SCUBE1: variants seen among roughly 807,000 people sequenced by gnomAD.
SCUBE1 encodes signal peptide, CUB domain and EGF like domain containing 1, also known as signal peptide, CUB and EGF-like domain-containing protein 1.
SCUBE1 carries 59 observed loss-of-function variants against 124.4 expected under a neutral mutation model. The ratio of observed to expected loss-of-function variants is 0.47; its 90% CI spans 0.38 to 0.59. SCUBE1 has a LOEUF of 0.59. Among genes scored for constraint, SCUBE1 ranks in the 20% least tolerant of loss-of-function variants. The probability of loss-of-function intolerance (pLI) is 0.00; values close to 1 mark genes in which losing one functional copy is unlikely to be tolerated. For missense variants in SCUBE1, 1,150 were observed against 1,371.2 expected, an observed-to-expected ratio of 0.84 and a Z score of 2.55; for synonymous variants, 545 against 550.9, an observed-to-expected ratio of 0.99 and a Z score of 0.15.
intron 3 of SCUBE1, among the ~76,000 whole-genome samples, chr22:43,313,113 C>T (rs1368414603): frequency 6.6e-6 from 1 of 152,206 alleles, no homozygotes; most frequent in African/African-American, 2.4e-5. Context: ...CTGAGCACAG[C>T]ATCCCGGGCA....
In SCUBE1 at chr22:43,198,331, A is replaced by G; in HGVS notation, c.*5666T>C. 8.4e-6 allele frequency: 3 copies of G among 358,940 alleles called. No individual in the cohort carries two copies. The highest frequency in any genetic ancestry group is 1.7e-5 in the Non-Finnish European group (3 of 180,816). 22.2% of individuals were successfully genotyped at this position (358,940 alleles called of 1,614,324 possible). A position where few individuals can be genotyped will look rare whatever the true frequency, so the allele number is the denominator to read the frequency against. On this transcript the variant is annotated 3_prime_UTR_variant, in exon 22 of 22. Transcript: ENST00000360835. ...AGGGGACTGGAGAGGCCTTGAGGCC[A>G]TCGCAGCAGATGCTGGGAGGGCACG...
intron 4 of SCUBE1, among the ~76,000 whole-genome samples, chr22:43,269,228 T>C (rs5996302): frequency 0.058 from 8,898 of 152,194 alleles, 891 homozygotes; most frequent in African/African-American, 0.21. Flanking sequence ...CCATCTCCTC[T>C]GGACTCTGAC....
At chr22:43,293,964 A>G (rs909075345) in intron 3 of SCUBE1, among the ~76,000 whole-genome samples, 1 of 152,242 alleles carries the variant, frequency 6.6e-6, no homozygotes, top group Non-Finnish European at 1.5e-5. Flanking sequence ...CGGTTGACGT[A>G]AGGCATCTAC....
In SCUBE1 at chr22:43,198,644, A is replaced by T. The variant is rs1368985608; in HGVS notation, c.*5353T>A. ...GGACACCTTGTGCATCTTTGGTGAA[A>T]AGGGACCTCAATGTCAGGTGCAGTT... On this transcript the variant is annotated 3_prime_UTR_variant, in exon 22 of 22. Transcript: ENST00000360835. 4.4e-6 allele frequency: 2 copies of T among 456,706 alleles called. No homozygotes were observed. Among genetic ancestry groups the T allele is most frequent in the Admixed American group, 2.3e-5 (1 of 42,584 alleles). 28.3% of individuals were successfully genotyped at this position (456,706 alleles called of 1,614,324 possible).
intron 6 of SCUBE1, among the ~76,000 whole-genome samples, chr22:43,253,886 C>T (rs555936106): frequency 6.2e-4 from 91 of 146,794 alleles, no homozygotes; most frequent in South Asian, 8.3e-4. Context: ...TAAGTGAGAC[C>T]GAGGGCCCTG....
intron 2 of SCUBE1, among the ~76,000 whole-genome samples, chr22:43,325,604 G>A (rs1427642913): frequency 2.0e-5 from 3 of 152,180 alleles, no homozygotes; most frequent in Non-Finnish European, 4.4e-5. Context: ...TCACATGAAT[G>A]GAGAAAGTGG....
At chr22:43,225,434 G>C (rs1314805138) in intron 10 of SCUBE1, among the ~76,000 whole-genome samples, 1 of 151,814 alleles carries the variant, frequency 6.6e-6, no homozygotes, top group Non-Finnish European at 1.5e-5. Flanking sequence ...TCACCTAAGT[G>C]TTAGGATCTT....
intron 7 of SCUBE1, among the ~76,000 whole-genome samples, chr22:43,235,345 G>T (rs887283802): frequency 1.7e-4 from 26 of 152,182 alleles, no homozygotes; most frequent in African/African-American, 4.8e-4. Context: ...CCCATCTCAC[G>T]TGGGGGACCA....
chr22:43,228,966 C>T (rs904452029), intron 9 of SCUBE1, 106 bp downstream of exon 9: 3 of 799,984 alleles, frequency 3.8e-6, no homozygotes, highest in East Asian at 2.7e-5. Context: ...GGCCTCAGGC[C>T]CCCCAGGGTT....
chr22:43,285,885 A>G (rs1002450855), intron 4 of SCUBE1, among the ~76,000 whole-genome samples: 1 of 152,238 alleles, frequency 6.6e-6, no homozygotes, highest in African/African-American at 2.4e-5. Flanking sequence ...AGGTTTTGGC[A>G]TGTACTACCT....
chr22:43,269,977 C>T (rs1168167365), intron 4 of SCUBE1, among the ~76,000 whole-genome samples: 1 of 152,196 alleles, frequency 6.6e-6, no homozygotes, highest in Non-Finnish European at 1.5e-5. Flanking sequence ...CCAGAGACTC[C>T]TTACCTCACG....
chr22:43,268,432 C>T (rs1569003127), intron 4 of SCUBE1, among the ~76,000 whole-genome samples: 1 of 152,248 alleles, frequency 6.6e-6, no homozygotes, highest in Non-Finnish European at 1.5e-5. Context: ...AGGCCTGATG[C>T]CCGTCAGGCC....
At chr22:43,273,616 G>A (rs961741409) in intron 4 of SCUBE1, among the ~76,000 whole-genome samples, 9 of 121,256 alleles carry the variant, frequency 7.4e-5, no homozygotes, top group African/African-American at 2.5e-4. Flanking sequence ...CGCCCAGGCT[G>A]GAGTGCAGTG....
rs186870210 is a variant in SCUBE1, at chr22:43,261,878, C to T, written c.610+842G>A. ...GTATCCCTGGTGCCCTCATCTCCCACGAGGAGAGGCCCACCCCACCATCTC... is the reference window on the plus strand; with the variant it reads ...GTATCCCTGGTGCCCTCATCTCCCATGAGGAGAGGCCCACCCCACCATCTC... On this transcript the variant is annotated intron_variant, in intron 5 of 21. Transcript: ENST00000360835. Among the ~76,000 whole-genome samples the T allele has an allele frequency of 4.1e-3, 628 of 152,304 alleles. 2 individuals are homozygous for T. The highest frequency in any genetic ancestry group is 6.9e-3 in the Non-Finnish European group (467 of 68,030).
At chr22:43,212,276 C>T (rs914264011) in intron 17 of SCUBE1, 149 bp downstream of exon 17, 1 of 863,092 alleles carries the variant, frequency 1.2e-6, no homozygotes, top group African/African-American at 1.7e-5. Context: ...CAGTGGGTCA[C>T]CCACGCCCAC....
In SCUBE1 at chr22:43,215,148, G is replaced by T. The variant is rs1238740303; in HGVS notation, c.1892-897C>A. ...CTCAAAGGAACCAGGGGTCCTTGGGGATTTGGCTGATGCCAGGGGATGGAG... is the reference window on the plus strand; with the variant it reads ...CTCAAAGGAACCAGGGGTCCTTGGGTATTTGGCTGATGCCAGGGGATGGAG... On this transcript the variant is annotated intron_variant, in intron 15 of 21. Transcript: ENST00000360835. Among the ~76,000 whole-genome samples the T allele has an allele frequency of 3.3e-5, 5 of 152,346 alleles. No individual in the cohort carries two copies. In the East Asian group the frequency reaches 9.6e-4, roughly 29 times the overall value.
rs373409699 is a variant in SCUBE1, at chr22:43,229,056, C to T, written c.1084+16G>A. The T allele has an allele frequency of 5.1e-5, 81 of 1,579,974 alleles. No individual in the cohort carries two copies. The highest frequency in any genetic ancestry group is 1.8e-4 in the Middle Eastern group (1 of 5,586). On this transcript the variant is annotated intron_variant, in intron 9 of 21. Coordinates refer to ENST00000360835, the MANE Select transcript of SCUBE1 (RefSeq NM_173050.5). Reference sequence around the variant, plus strand: ...TGCCTCGGGGGGGAGGTGGCCCTGGCGGGCAGGCTGCAGACCTCCGCAGTG... The same window carrying T: ...TGCCTCGGGGGGGAGGTGGCCCTGGTGGGCAGGCTGCAGACCTCCGCAGTG...
chr22:43,251,215 G>A (rs999505332), intron 6 of SCUBE1, among the ~76,000 whole-genome samples: 2 of 152,204 alleles, frequency 1.3e-5, no homozygotes, highest in African/African-American at 2.4e-5. Context: ...GGCAGCCAGC[G>A]GAGGCTCCGT....
chr22:43,266,057 C>T (rs998160784), intron 4 of SCUBE1, among the ~76,000 whole-genome samples: 10 of 152,028 alleles, frequency 6.6e-5, no homozygotes, highest in South Asian at 4.1e-4. Flanking sequence ...GCTGAGATTG[C>T]GCCATTGCAC....
Sources: gnomAD v4.1 joint callset for allele counts (sites outside exome capture counted in the v4.1 genomes callset) on GRCh38, gnomAD v4.1.1 for gene constraint, MANE v1.5 for transcripts, NCBI Gene and HGNC (gene_info 2026-07-23, HGNC 2026-07-21) for gene names.